Variants in LIN7A observed in about 807,000 individuals in gnomAD.
LIN7A encodes the protein lin-7 cell polarity scaffold A.
LIN7A carries 25 observed loss-of-function variants against 29.8 expected under a neutral mutation model. The ratio of observed to expected loss-of-function variants is 0.84; its 90% confidence interval spans 0.61 to 1.17. The LOEUF (loss-of-function observed/expected upper bound fraction) is 1.17. Among genes scored for constraint, LIN7A ranks in the 50% most tolerant of loss-of-function variants. The pLI is 0.00. For missense variants in LIN7A, 239 were observed against 287.0 expected, an observed-to-expected ratio of 0.83 and a Z score of 1.21; for synonymous variants, 118 against 107.5, an observed-to-expected ratio of 1.10 and a Z score of -0.60.
At chr12:80,886,320 T>C (rs956188332) in intron 2 of LIN7A, among the ~76,000 whole-genome samples, 3 of 152,112 alleles carry the variant, frequency 2.0e-5, no homozygotes, top group Non-Finnish European at 4.4e-5. Context: ...AGCTGCAATT[T>C]TCTTTACTGG....
intron 1 of LIN7A, among the ~76,000 whole-genome samples, chr12:80,919,930 A>T (rs1291230127): frequency 1.3e-5 from 2 of 152,104 alleles, no homozygotes; most frequent in East Asian, 3.9e-4. Flanking sequence ...AAGCAATTGC[A>T]GTCTACCCCT....
At chr12:80,921,185 G>C (rs1047521331) in intron 1 of LIN7A, among the ~76,000 whole-genome samples, 2 of 152,094 alleles carry the variant, frequency 1.3e-5, no homozygotes, top group Admixed American at 6.5e-5. Flanking sequence ...CAGCAAGAAG[G>C]TGTCCTCTAA....
chr12:80,862,635 A>G (rs1873935334), intron 2 of LIN7A, among the ~76,000 whole-genome samples: 1 of 152,168 alleles, frequency 6.6e-6, no homozygotes, highest in Non-Finnish European at 1.5e-5. Flanking sequence ...CACATCATCA[A>G]CTTCGTGTAC....
At chr12:80,853,646 A>T (rs994189419) in intron 2 of LIN7A, among the ~76,000 whole-genome samples, 54 of 152,288 alleles carry the variant, frequency 3.5e-4, no homozygotes, top group Non-Finnish European at 3.7e-4. Flanking sequence ...GGTTAAAAAA[A>T]AAAAACATAC....
chr12:80,828,265 G>C (rs1012990646), intron 4 of LIN7A, among the ~76,000 whole-genome samples: 1 of 151,970 alleles, frequency 6.6e-6, no homozygotes, highest in African/African-American at 2.4e-5. Context: ...TATACATAAA[G>C]ATTTTCATTC....
chr12:80,889,755 A>G (rs1875528834), intron 1 of LIN7A, among the ~76,000 whole-genome samples: 1 of 152,076 alleles, frequency 6.6e-6, no homozygotes, highest in East Asian at 1.9e-4. Flanking sequence ...TCAGTTTGTC[A>G]TAGCTACAAC....
rs558153091 is a variant in LIN7A, at chr12:80,910,139, G to A, written c.83-20770C>T. Among the ~76,000 whole-genome samples the A allele has an allele frequency of 2.0e-5, 3 of 152,136 alleles. No individual in the cohort carries two copies. In the South Asian group the frequency reaches 6.2e-4, roughly 32 times the overall value. On this transcript the variant is annotated intron_variant, in intron 1 of 5. Coordinates refer to ENST00000552864, the MANE Select transcript of LIN7A (RefSeq NM_004664.4). Reference sequence around the variant, plus strand: ...ATCTGACTCAGTACTTTCCTGTTTTGATGATATTGTAAATATTACCTTTTA... The same window carrying A: ...ATCTGACTCAGTACTTTCCTGTTTTAATGATATTGTAAATATTACCTTTTA...
chr12:80,815,613 G>T (rs957548271), intron 4 of LIN7A, among the ~76,000 whole-genome samples: 2 of 152,192 alleles, frequency 1.3e-5, no homozygotes, highest in African/African-American at 4.8e-5. Context: ...GTGTAAGTTT[G>T]AGCAATCACT....
chr12:80,935,136 T>C (rs1004314660), intron 1 of LIN7A, among the ~76,000 whole-genome samples: 3 of 152,218 alleles, frequency 2.0e-5, no homozygotes, highest in African/African-American at 7.2e-5. Flanking sequence ...ATTTTTTTAT[T>C]GTACTGTGAG....
chr12:80,802,616 C>T (rs903592647), intron 5 of LIN7A, among the ~76,000 whole-genome samples: 9 of 151,876 alleles, frequency 5.9e-5, no homozygotes, highest in African/African-American at 1.9e-4. Context: ...TTACTCCATA[C>T]GTTTGCAAAC....
intron 1 of LIN7A, among the ~76,000 whole-genome samples, chr12:80,920,136 A>G (rs1317564766): frequency 1.3e-5 from 2 of 152,210 alleles, no homozygotes; most frequent in Non-Finnish European, 2.9e-5. Flanking sequence ...CGTCCCAACT[A>G]TTCAACTCTG....
chr12:80,881,118 G>T (rs1432425184), intron 2 of LIN7A, among the ~76,000 whole-genome samples: 1 of 150,596 alleles, frequency 6.6e-6, no homozygotes, highest in Non-Finnish European at 1.5e-5. Context: ...TATAAGTTTT[G>T]GTAAATTTCC....
intron 2 of LIN7A, among the ~76,000 whole-genome samples, chr12:80,851,002 A>G (rs2121549389): frequency 6.6e-6 from 1 of 152,286 alleles, no homozygotes; most frequent in South Asian, 2.1e-4. Context: ...ATGACCACAC[A>G]GCTAATTTGT....
intron 4 of LIN7A, among the ~76,000 whole-genome samples, chr12:80,825,079 C>A (rs544050106): frequency 4.6e-5 from 7 of 152,256 alleles, no homozygotes; most frequent in African/African-American, 1.7e-4. Flanking sequence ...CTGCGATTTG[C>A]TGATAATATG....
At chr12:80,856,534 C>T (rs149667128) in intron 2 of LIN7A, among the ~76,000 whole-genome samples, 202 of 152,212 alleles carry the variant, frequency 1.3e-3, no homozygotes, top group African/African-American at 4.2e-3. Context: ...CAAACAAGGA[C>T]GAAAAACAAA....
chr12:80,937,749 A>T lies in LIN7A; in HGVS notation c.-27T>A. On this transcript the variant is annotated 5_prime_UTR_variant, in exon 1 of 6. Coordinates refer to ENST00000552864, the MANE Select transcript of LIN7A (RefSeq NM_004664.4). Reference sequence around the variant, plus strand: ...AGCAACCGCTCGTAGTGAGAAAAAAAGGAGGAGATTGGGGGCGGGGGTGGA... The same window carrying T: ...AGCAACCGCTCGTAGTGAGAAAAAATGGAGGAGATTGGGGGCGGGGGTGGA... The T allele has an allele frequency of 2.6e-5, 15 of 578,896 alleles. No individual in the cohort carries two copies. Among genetic ancestry groups the T allele is most frequent in the Non-Finnish European group, 3.1e-5 (13 of 413,450 alleles). 35.9% of individuals were successfully genotyped at this position (578,896 alleles called of 1,614,324 possible). A position where few individuals can be genotyped will look rare whatever the true frequency, so the allele number is the denominator to read the frequency against.
intron 5 of LIN7A, among the ~76,000 whole-genome samples, chr12:80,798,506 G>A (rs1870562778): frequency 6.6e-6 from 1 of 152,020 alleles, no homozygotes; most frequent in Non-Finnish European, 1.5e-5. Flanking sequence ...TGAAAACCGT[G>A]CATAAACCCA....
In LIN7A at chr12:80,856,879, T is replaced by C. The variant is rs149222465; in HGVS notation, c.202-8557A>G. Among the ~76,000 whole-genome samples the C allele has an allele frequency of 1.1e-4, 16 of 152,314 alleles. No homozygotes were observed. The East Asian group carries it at 2.7e-3, about 26-fold the overall frequency. On this transcript the variant is annotated intron_variant, in intron 2 of 5. Transcript: ENST00000552864. ...ACAAAAACTCCACTGAATTTGACGA[T>C]TGAAAACAAATGTGATGCAAACGTG...
At chr12:80,809,199 C>T (rs905998184) in intron 5 of LIN7A, among the ~76,000 whole-genome samples, 1 of 152,096 alleles carries the variant, frequency 6.6e-6, no homozygotes, top group African/African-American at 2.4e-5. Flanking sequence ...AACTCCTGAC[C>T]TCGTCATCCA....
Sources: gnomAD v4.1 joint callset for allele counts (sites outside exome capture counted in the v4.1 genomes callset) on GRCh38, gnomAD v4.1.1 for gene constraint, MANE v1.5 for transcripts, NCBI Gene and HGNC (gene_info 2026-07-23, HGNC 2026-07-21) for gene names.